The following CSMD1 variants were observed in gnomAD, a reference collection of about 807,000 sequenced individuals.
CSMD1 encodes the protein CUB and sushi domain-containing protein 1.
A neutral mutation model predicts 417.5 loss-of-function variants in CSMD1; 213 were observed. That is an observed-to-expected ratio of 0.51 (90% confidence interval 0.46 to 0.57). The LOEUF is 0.57. Among genes scored for constraint, CSMD1 ranks in the 20% least tolerant of loss-of-function variants. The pLI is 0.00. For missense variants in CSMD1, 6,923 were observed against 4,529.7 expected, an observed-to-expected ratio of 1.53 and a Z score of -15.17; for synonymous variants, 2,862 against 1,736.8, an observed-to-expected ratio of 1.65 and a Z score of -16.11.
intron 1 of CSMD1, among the ~76,000 whole-genome samples, chr8:4,949,989 T>C (rs1177196778): frequency 1.3e-5 from 2 of 152,162 alleles, no homozygotes; most frequent in East Asian, 1.9e-4. Flanking sequence ...TTTTATCTAA[T>C]TGGTCACGAC....
chr8:3,822,752 A>G (rs1034324572), intron 5 of CSMD1, among the ~76,000 whole-genome samples: 1 of 152,194 alleles, frequency 6.6e-6, no homozygotes, highest in Admixed American at 6.5e-5. Flanking sequence ...CAAAGTGGAA[A>G]TACAGGTTTG....
Position 3,932,202 on chromosome 8 carries a change from T to C in CSMD1, c.818+65701A>G, listed in dbSNP as rs992914261. Among the ~76,000 whole-genome samples, 3 of 150,424 alleles carry C rather than the reference T, an allele frequency of 2.0e-5. 1 individual carries two copies. The highest frequency in any genetic ancestry group is 1.5e-5 in the Non-Finnish European group (1 of 67,510). ...TGTAGACACTGTTTCATCGATACTT[T>C]GGTCCCATATCATGTTACTGAAAAG... is the stretch of plus-strand genomic sequence containing the variant. On this transcript the variant is annotated intron_variant, in intron 5 of 69. Coordinates refer to ENST00000635120, the MANE Select transcript of CSMD1 (RefSeq NM_033225.6).
At chr8:3,280,890 G>C (rs1276931487) in intron 26 of CSMD1, among the ~76,000 whole-genome samples, 1 of 152,082 alleles carries the variant, frequency 6.6e-6, no homozygotes, top group East Asian at 1.9e-4. Flanking sequence ...GTTCTCTGAA[G>C]AGAGAATCAT....
chr8:3,394,120 C>G (rs1027412166), intron 17 of CSMD1, among the ~76,000 whole-genome samples: 2 of 137,490 alleles, frequency 1.5e-5, no homozygotes, highest in Admixed American at 7.6e-5. Context: ...TGGAAGAATG[C>G]CTTACGAAGC....
At chr8:4,488,557 G>C (rs973732397) in intron 2 of CSMD1, among the ~76,000 whole-genome samples, 1 of 152,018 alleles carries the variant, frequency 6.6e-6, no homozygotes, top group Non-Finnish European at 1.5e-5. Context: ...GTCGGCAGCA[G>C]AGCCCCAAAA....
intron 1 of CSMD1, among the ~76,000 whole-genome samples, chr8:4,666,124 T>C (rs911293012): frequency 5.9e-5 from 9 of 152,118 alleles, no homozygotes; most frequent in Non-Finnish European, 1.2e-4. Context: ...GCGCTGAGCA[T>C]CTTCTGATGT....
intron 62 of CSMD1, among the ~76,000 whole-genome samples, chr8:2,960,138 A>G (rs1276552521): frequency 1.3e-5 from 2 of 152,232 alleles, no homozygotes; most frequent in African/African-American, 4.8e-5. Context: ...AGTGAGAGCG[A>G]CATCCATATA....
chr8:4,867,579 C>CT (rs1189227065), intron 1 of CSMD1, among the ~76,000 whole-genome samples: 2 of 152,020 alleles, frequency 1.3e-5, no homozygotes, highest in Non-Finnish European at 2.9e-5. Context: ...CATAATTTCG[C>CT]TTTTTTCATC....
chr8:4,696,201 A>G (rs539056427), intron 1 of CSMD1, among the ~76,000 whole-genome samples: 4 of 152,240 alleles, frequency 2.6e-5, no homozygotes, highest in Non-Finnish European at 5.9e-5. Flanking sequence ...TGCATATAGG[A>G]TATGTTATTT....
At chr8:3,193,763 G>A (rs1270074982) in intron 33 of CSMD1, among the ~76,000 whole-genome samples, 1 of 152,124 alleles carries the variant, frequency 6.6e-6, no homozygotes. Flanking sequence ...TCTCCTCTGG[G>A]GCTTTGAGGT....
intron 3 of CSMD1, among the ~76,000 whole-genome samples, chr8:4,145,547 T>C (rs1196219965): frequency 6.6e-6 from 1 of 151,008 alleles, no homozygotes; most frequent in East Asian, 1.9e-4. Flanking sequence ...AATTTCTTTA[T>C]TATTACATTG....
rs565978840 is a variant in CSMD1 at position 4,731,510 on chromosome 8, A to G, written c.86-93952T>C. ...AATATTCATTCAGATATATGATGTC[A>G]TAACTTTCCATTTATCTATTTGTTC... On this transcript the variant is annotated intron_variant, in intron 1 of 69. Coordinates refer to ENST00000635120, the MANE Select transcript of CSMD1 (RefSeq NM_033225.6). Among the ~76,000 whole-genome samples, 136 of 152,360 alleles carry G rather than the reference A, an allele frequency of 8.9e-4. 1 individual carries two copies. Among genetic ancestry groups the G allele is most frequent in the African/African-American group, 3.1e-3 (128 of 41,578 alleles).
At chr8:4,747,167 G>A (rs1318983495) in intron 1 of CSMD1, among the ~76,000 whole-genome samples, 1 of 152,174 alleles carries the variant, frequency 6.6e-6, no homozygotes, top group Admixed American at 6.5e-5. Context: ...CTTATAGGGG[G>A]AGAGGAAAGG....
At chr8:4,147,021 T>G (rs1714819) in intron 3 of CSMD1, among the ~76,000 whole-genome samples, 3 of 151,912 alleles carry the variant, frequency 2.0e-5, no homozygotes, top group Non-Finnish European at 2.9e-5. Context: ...GCCAGGAGAG[T>G]CAGAGATCGG....
intron 33 of CSMD1, among the ~76,000 whole-genome samples, chr8:3,196,170 T>A (rs751874341): frequency 6.6e-6 from 1 of 152,110 alleles, no homozygotes; most frequent in Non-Finnish European, 1.5e-5. Flanking sequence ...TGTATTAGCA[T>A]GCTAAAAGAC....
chr8:3,379,118 G>A (rs935877885), intron 18 of CSMD1, among the ~76,000 whole-genome samples: 10 of 152,154 alleles, frequency 6.6e-5, no homozygotes, highest in Non-Finnish European at 1.2e-4. Context: ...CAAACAGAGA[G>A]CCAAATCAAG....
intron 54 of CSMD1, among the ~76,000 whole-genome samples, chr8:2,986,592 C>A (rs1486362892): frequency 6.6e-6 from 1 of 152,114 alleles, no homozygotes; most frequent in Non-Finnish European, 1.5e-5. Context: ...GCAAGCTACA[C>A]CTCCCGGGTT....
At chr8:3,913,071 G>C (rs988523665) in intron 5 of CSMD1, among the ~76,000 whole-genome samples, 2 of 152,158 alleles carry the variant, frequency 1.3e-5, no homozygotes, top group African/African-American at 4.8e-5. Context: ...GGCAGCACTA[G>C]GAAAGGAGCT....
At chr8:3,378,258 T>G (rs1212894194) in intron 18 of CSMD1, among the ~76,000 whole-genome samples, 2 of 152,156 alleles carry the variant, frequency 1.3e-5, no homozygotes, top group African/African-American at 4.8e-5. Flanking sequence ...CAGTAATTAA[T>G]AGCCTACCAA....
Sources: gnomAD v4.1 joint callset for allele counts (sites outside exome capture counted in the v4.1 genomes callset) on GRCh38, gnomAD v4.1.1 for gene constraint, MANE v1.5 for transcripts, NCBI Gene and HGNC (gene_info 2026-07-23, HGNC 2026-07-21) for gene names.